The following RABGAP1 variants were observed in gnomAD, a reference collection of about 807,000 sequenced individuals.
RABGAP1 encodes rab GTPase-activating protein 1.
In RABGAP1, 23 loss-of-function variants were observed where a neutral mutation model predicts 137.6. The observed-to-expected ratio is 0.17, with a 90% CI of 0.12 to 0.24. The LOEUF (loss-of-function observed/expected upper bound fraction) is 0.24. RABGAP1 is among the 10% of genes least tolerant of loss of function. The pLI is 1.00. For missense variants in RABGAP1, 906 were observed against 1,275.8 expected (o/e 0.71, Z 4.42); for synonymous variants, 451 against 450.7 (o/e 1.00, Z -0.01).
At chr9:122,961,366 C>G (rs550436623) in intron 2 of RABGAP1, among the ~76,000 whole-genome samples, 1 of 152,110 alleles carries the variant, frequency 6.6e-6, no homozygotes, top group Non-Finnish European at 1.5e-5. Flanking sequence ...GCCAGTGGGA[C>G]AACATATTCA....
chr9:123,014,259 A>G (rs1260394406), intron 11 of RABGAP1, among the ~76,000 whole-genome samples: 2 of 152,180 alleles, frequency 1.3e-5, no homozygotes, highest in South Asian at 2.1e-4. Flanking sequence ...CACTGTCTTC[A>G]TATCTTATAA....
At position 123,070,224 on chromosome 9, in the gene RABGAP1, C is replaced by CT. The variant is rs1257594764; in HGVS notation, c.1909-125dup. 4.1e-5 allele frequency: 61 copies of CT among 1,484,478 alleles called. No individual in the cohort carries two copies. The African/African-American group carries it at 7.5e-4, about 18-fold the overall frequency. 92.0% of individuals were successfully genotyped at this position (1,484,478 alleles called of 1,614,324 possible). On this transcript the variant is annotated intron_variant, in intron 14 of 25. Transcript: ENST00000373647. This position sits in a 1 kb window ranked among gnomAD's most constrained non-coding sequence, Gnocchi z 4.4. ...GAGAAGTATTGGCACCACTTACTGT[C>CT]TGTCAAAATGCTGTCCCAGTGTGGG... is the stretch of plus-strand genomic sequence containing the variant.
At chr9:123,100,180 T>C (rs899061217) in intron 24 of RABGAP1, among the ~76,000 whole-genome samples, 2 of 152,142 alleles carry the variant, frequency 1.3e-5, no homozygotes, top group Non-Finnish European at 2.9e-5. Flanking sequence ...CATGGTGCTT[T>C]CTTTCTTTAA....
At chr9:122,960,175 A>C (rs982178078) in intron 2 of RABGAP1, among the ~76,000 whole-genome samples, 1 of 152,222 alleles carries the variant, frequency 6.6e-6, no homozygotes, top group East Asian at 1.9e-4. Flanking sequence ...AAACTAGGGA[A>C]AGACACAGCT....
intron 15 of RABGAP1, among the ~76,000 whole-genome samples, chr9:123,073,016 A>G (rs1361723878): frequency 6.6e-6 from 1 of 152,260 alleles, no homozygotes; most frequent in Non-Finnish European, 1.5e-5. Flanking sequence ...TTCAAGCATT[A>G]CTGCAAGCCT....
intron 6 of RABGAP1, among the ~76,000 whole-genome samples, chr9:122,993,043 C>T (rs1430533561): frequency 1.3e-5 from 2 of 151,578 alleles, no homozygotes; most frequent in Non-Finnish European, 1.5e-5. Flanking sequence ...TATGAATGTT[C>T]TCCAACATAC....
chr9:122,935,336 C>A, the RABGAP1 span, among the ~76,000 whole-genome samples: 9 of 151,954 alleles, frequency 5.9e-5, no homozygotes, highest in Non-Finnish European at 8.8e-5. Flanking sequence ...ATTGTATATC[C>A]AATAACATAA....
intron 13 of RABGAP1, chr9:123,034,478 A>G: frequency 1.3e-6 from 1 of 795,026 alleles, no homozygotes; most frequent in Non-Finnish European, 2.1e-6. Context: ...ACACATGCAA[A>G]GCTGACCGCA....
chr9:123,097,812 A>G lies in RABGAP1; in HGVS notation c.2700A>G (p.Glu900=), dbSNP rs2035227771. 1 of 1,613,874 alleles carries G rather than the reference A, an allele frequency of 6.2e-7. No individual in the cohort carries two copies. Among genetic ancestry groups the G allele is most frequent in the Non-Finnish European group, 8.5e-7 (1 of 1,179,902 alleles). Residue 900 remains glutamate, a synonymous_variant, in exon 22 of 26, where the codon GAA becomes GAG. Coordinates refer to ENST00000373647, the MANE Select transcript of RABGAP1 (RefSeq NM_012197.4). ...MTKQKLIDAE[E]EKRRLEEESA... ...AACAGAAGTTGATTGATGCAGAAGA[A>G]GAGAAAAGACGGCTGGAAGAAGAGT...
At chr9:123,051,215 GGTTTTTTTTTTTTTTTTTTTTTTTTT>G (rs1410629793) in intron 13 of RABGAP1, among the ~76,000 whole-genome samples, 4 of 30,954 alleles carry the variant, frequency 1.3e-4, no homozygotes, top group African/African-American at 5.1e-4. Context: ...TATTCACCTT[GGTTTTTTTTTTTTTTTTTTTTTTTTT>G]TTTTTTTTTT....
chr9:123,090,186 T>G lies in RABGAP1; in HGVS notation c.2518-89T>G, dbSNP rs1454563909. 3.0e-6 allele frequency: 3 copies of G among 984,400 alleles called. No individual in the cohort carries two copies. In the African/African-American group the frequency reaches 5.0e-5, roughly 16 times the overall value. The allele number at this position is 984,400 out of a possible 1,614,324, so 61.0% of individuals were successfully genotyped here. The stretch of plus-strand genomic sequence containing the variant: ...TTTCTCTTATTGTTTCCATAGGACT[T>G]AGAAATTTATTTTGAGGTTTAGCCC... On this transcript the variant is annotated intron_variant, in intron 20 of 25. Coordinates refer to ENST00000373647, the MANE Select transcript of RABGAP1 (RefSeq NM_012197.4).
At chr9:122,979,353 A>G (rs868109134) in intron 2 of RABGAP1, among the ~76,000 whole-genome samples, 1 of 152,152 alleles carries the variant, frequency 6.6e-6, no homozygotes, top group African/African-American at 2.4e-5. Context: ...TCTTCTTAAG[A>G]GTTCTCTATA....
In RABGAP1 at chr9:123,056,914, T is replaced by G. The variant is rs918752940; in HGVS notation, c.1795-8434T>G. 1.0e-3 allele frequency among the ~76,000 whole-genome samples: 152 copies of G among 152,230 alleles called. 5 individuals carry two copies. Among genetic ancestry groups the G allele is most frequent in the Non-Finnish European group, 2.9e-4 (20 of 68,042 alleles). ...ACAGCAACCATCCGATTTCTCAATC[T>G]TTTCCCCACCTTTCCCCCTTTTCTA... On this transcript the variant is annotated intron_variant, in intron 13 of 25. Coordinates refer to ENST00000373647, the MANE Select transcript of RABGAP1 (RefSeq NM_012197.4).
chr9:123,001,229 T>G (rs985681428), intron 10 of RABGAP1, among the ~76,000 whole-genome samples: 3 of 152,214 alleles, frequency 2.0e-5, no homozygotes, highest in African/African-American at 7.2e-5. Context: ...TTATCTATTT[T>G]GTATGTTAGA....
chr9:123,041,239 G>C (rs576423245), intron 13 of RABGAP1, among the ~76,000 whole-genome samples: 48 of 152,332 alleles, frequency 3.2e-4, no homozygotes, highest in African/African-American at 1.1e-3. Context: ...TGAGGTGCCA[G>C]AGTCAGACAG....
Position 123,048,417 on chromosome 9 carries a change from C to T in RABGAP1, c.1795-16931C>T, listed in dbSNP as rs2033315182. 2.0e-5 allele frequency among the ~76,000 whole-genome samples: 3 copies of T among 152,132 alleles called. No individual in the cohort carries two copies. In the South Asian group the frequency reaches 6.2e-4, roughly 31 times the overall value. On this transcript the variant is annotated intron_variant, in intron 13 of 25. Transcript: ENST00000373647. ...CGATTATTTAAAAATATAACTTGAG[C>T]AATATGAGACTTGGTCCTCTGTGTG...
chr9:123,098,649 G>A (rs1225617294), intron 22 of RABGAP1, 66 bp from the exon 23 acceptor site: 7 of 1,412,570 alleles, frequency 5.0e-6, no homozygotes, highest in Non-Finnish European at 4.9e-6. Context: ...AGCACTAAGC[G>A]GTTGGTGGCA....
chr9:123,000,714 ATG>A (rs1837279982), intron 10 of RABGAP1, among the ~76,000 whole-genome samples: 1 of 151,602 alleles, frequency 6.6e-6, no homozygotes. Flanking sequence ...GGGATTTGCC[ATG>A]TTGTCCAGGC....
the RABGAP1 span, among the ~76,000 whole-genome samples, chr9:122,933,779 C>T: frequency 6.6e-6 from 1 of 151,990 alleles, no homozygotes; most frequent in Non-Finnish European, 1.5e-5. Flanking sequence ...TGCACGCCAC[C>T]ATGCCCAGTT....
Sources: allele counts gnomAD v4.1 joint callset (sites outside exome capture counted in the v4.1 genomes callset), GRCh38; gene constraint gnomAD v4.1.1; non-coding constraint Gnocchi (gnomAD v3.1); transcripts MANE v1.5; gene names NCBI Gene and HGNC (gene_info 2026-07-23, HGNC 2026-07-21).